The following KAZALD1 variants were observed in gnomAD, a reference collection of about 807,000 sequenced individuals.
KAZALD1 encodes kazal-type serine protease inhibitor domain-containing protein 1.
KAZALD1 carries 31 observed loss-of-function variants against 27.7 expected under a neutral mutation model. The ratio of observed to expected loss-of-function variants is 1.12; its 90% CI spans 0.84 to 1.51. The LOEUF (loss-of-function observed/expected upper bound fraction) is 1.51. KAZALD1 is among the 40% of genes most tolerant of loss of function. The pLI, the probability that KAZALD1 is intolerant of heterozygous loss-of-function variation, is 0.00. For synonymous variants in KAZALD1, 179 were observed against 182.0 expected (o/e 0.98, Z 0.13); for missense variants, 444 against 408.9 (o/e 1.09, Z -0.74).
Position 101,064,895 on chromosome 10 carries a change from G to A in KAZALD1, c.890G>A (p.Ser297Asn), listed in dbSNP as rs1554841253. 1 of 1,614,036 alleles carries A rather than the reference G, an allele frequency of 6.2e-7. No homozygotes were observed. The highest frequency in any genetic ancestry group is 2.2e-5 in the East Asian group (1 of 44,888). ...LNLVPEEEAE[S>N]EENDDYY ...CTGGTTCCTGAGGAGGAGGCTGAGAGTGAAGAGAATGACGATTACTACTAG... is the reference window on the plus strand; with the variant it reads ...CTGGTTCCTGAGGAGGAGGCTGAGAATGAAGAGAATGACGATTACTACTAG... Residue 297 changes from serine to asparagine, a missense_variant, in exon 5 of 5, where the codon AGT (serine) becomes AAT (asparagine). By Grantham distance (46) the Ser-to-Asn change is conservative. Transcript: ENST00000370200.
chr10:101,067,796 C>A, downstream of KAZALD1: 1 of 392,544 alleles, frequency 2.5e-6, no homozygotes, highest in Non-Finnish European at 5.3e-6. Flanking sequence ...TGGAGAGCGC[C>A]CCTCAAAAAG....
intron 2 of KAZALD1, among the ~76,000 whole-genome samples, chr10:101,063,882 T>C (rs1939239519): frequency 6.6e-6 from 1 of 152,174 alleles, no homozygotes; most frequent in Admixed American, 6.5e-5. Context: ...GGAAGGGGGA[T>C]CTGGAAGGTT....
chr10:101,067,228 C>T (rs766221775), downstream of KAZALD1: 20 of 456,028 alleles, frequency 4.4e-5, no homozygotes, highest in South Asian at 3.1e-4. Context: ...TCCAAGCCAT[C>T]CCCGCGTTTT....
At chr10:101,063,794 C>T (rs552559207) in intron 2 of KAZALD1, among the ~76,000 whole-genome samples, 1 of 152,226 alleles carries the variant, frequency 6.6e-6, no homozygotes, top group African/African-American at 2.4e-5. Flanking sequence ...TCTGCCTTGC[C>T]GCAGGACTCC....
chr10:101,063,494 C>T (rs546993564), intron 2 of KAZALD1, among the ~76,000 whole-genome samples: 1 of 152,214 alleles, frequency 6.6e-6, no homozygotes, highest in African/African-American at 2.4e-5. Flanking sequence ...GATGCAATCA[C>T]GTTTCATTCT....
intron 2 of KAZALD1, 158 bp from the exon 3 acceptor site, chr10:101,064,103 C>T: frequency 1.4e-6 from 1 of 706,918 alleles, no homozygotes; most frequent in Non-Finnish European, 2.4e-6. Context: ...CTGTGTGTAC[C>T]TGTGTGTGTC....
chr10:101,065,019 G>A lies in KAZALD1; in HGVS notation c.*99G>A. The A allele has an allele frequency of 2.5e-6, 2 of 796,922 alleles. No individual in the cohort carries two copies. Among genetic ancestry groups the A allele is most frequent in the South Asian group, 1.5e-5 (1 of 65,938 alleles). 49.4% of individuals were successfully genotyped at this position (796,922 alleles called of 1,614,324 possible). A position where few individuals can be genotyped will look rare whatever the true frequency, so the allele number is the denominator to read the frequency against. On this transcript the variant is annotated 3_prime_UTR_variant, in exon 5 of 5. Transcript: ENST00000370200. The stretch of plus-strand genomic sequence containing the variant: ...GGGGAGCAGGGTCCCTTCATCGACT[G>A]CTTTCATGCTGTCAGTAGGGATGAT...
chr10:101,064,971 C>T lies in KAZALD1; in HGVS notation c.*51C>T, dbSNP rs1590101120. Reference sequence around the variant, plus strand: ...GGGTGAGCGGCTATAGTGTTCATCCCTGCTCTTGAAAAGACCTGGAAAGGG... The same window carrying T: ...GGGTGAGCGGCTATAGTGTTCATCCTTGCTCTTGAAAAGACCTGGAAAGGG... On this transcript the variant is annotated 3_prime_UTR_variant, in exon 5 of 5. Coordinates refer to ENST00000370200, the MANE Select transcript of KAZALD1 (RefSeq NM_030929.5). 1.5e-6 allele frequency: 2 copies of T among 1,351,310 alleles called. No individual in the cohort carries two copies. Among genetic ancestry groups the T allele is most frequent in the East Asian group, 4.6e-5 (2 of 43,452 alleles). The allele number at this position is 1,351,310 out of a possible 1,614,324, so 83.7% of individuals were successfully genotyped here.
At chr10:101,063,575 G>T (rs1939229567) in intron 2 of KAZALD1, among the ~76,000 whole-genome samples, 1 of 152,240 alleles carries the variant, frequency 6.6e-6, no homozygotes, top group Non-Finnish European at 1.5e-5. Flanking sequence ...GTGAAGGGGA[G>T]CGGGAAGTTC....
Position 101,064,248 on chromosome 10 carries a change from C to T in KAZALD1, c.512-13C>T. On this transcript the variant is annotated splice_polypyrimidine_tract_variant and intron_variant, in intron 2 of 4. Transcript: ENST00000370200. ...GGCCATGCTATTCTCAGACCTCCCG[C>T]CTTCACCCCCAGGGCCCCAGATCGT... 6.2e-7 allele frequency: 1 copy of T among 1,613,968 alleles called. No individual in the cohort carries two copies. The highest frequency in any genetic ancestry group is 1.1e-5 in the South Asian group (1 of 91,076).
In KAZALD1 at chr10:101,065,200, C is replaced by G. The variant is rs967187081; in HGVS notation, c.*280C>G. On this transcript the variant is annotated 3_prime_UTR_variant, in exon 5 of 5. Coordinates refer to ENST00000370200, the MANE Select transcript of KAZALD1 (RefSeq NM_030929.5). ...CAGTAGGACCTCCAACAGGTTGTTT[C>G]CCAGGCTGGGGTGGGGGCCTGAGCA... 11 of 409,914 alleles carry G rather than the reference C, an allele frequency of 2.7e-5. No homozygotes were observed. The highest frequency in any genetic ancestry group is 4.0e-5 in the African/African-American group (2 of 49,766). 25.4% of individuals were successfully genotyped at this position (409,914 alleles called of 1,614,324 possible).
chr10:101,063,056 G>T lies in KAZALD1; in HGVS notation c.464G>T (p.Arg155Leu). The change falls in exon 2 of 5, where the codon CGG (arginine) becomes CTG (leucine). Residue 155 changes from arginine to leucine, a missense_variant. Physicochemically the swap from Arg to Leu is moderately radical, Grantham distance 102. Transcript: ENST00000370200. ...CGCCTGCAGGAGGCGGCCCGCGCTC[G>T]GCCCGATGCCAACCTCACTGTGGCA... ...ICRLQEAARA[R>L]PDANLTVAHP... 1 of 1,582,146 alleles carries T rather than the reference G, an allele frequency of 6.3e-7. No homozygotes were observed. Among genetic ancestry groups the T allele is most frequent in the Non-Finnish European group, 8.6e-7 (1 of 1,168,014 alleles).
In KAZALD1 at chr10:101,062,759, GC is replaced by G; in HGVS notation, c.169del (p.Arg57GlyfsTer60). Reference protein sequence around the residue: ...LLAEGEGCAPCRPEECAAPRG... With the variant: ...LLAEGEGCAPXRPEECAAPRG... ...GCGGAGGGCGAGGGCTGCGCTCCCT[GC>G]CGGCCAGAAGAGTGCGCCGCGCCGC... On this transcript the variant is annotated frameshift_variant, in exon 2 of 5. Transcript: ENST00000370200. LOFTEE classifies it high-confidence loss of function. The G allele has an allele frequency of 6.5e-7, 1 of 1,549,886 alleles. No individual in the cohort carries two copies. Among genetic ancestry groups the G allele is most frequent in the Non-Finnish European group, 8.6e-7 (1 of 1,157,590 alleles).
Position 101,062,563 on chromosome 10 carries a change from C to G in KAZALD1, c.-30C>G. The stretch of plus-strand genomic sequence containing the variant: ...GCAGGGTGCCCGAACGCGCTGATGC[C>G]CCGAGTGCTCGCAGGGCTTCCCGCT... On this transcript the variant is annotated 5_prime_UTR_variant, in exon 2 of 5. Transcript: ENST00000370200. 7.0e-6 allele frequency: 11 copies of G among 1,575,476 alleles called. No homozygotes were observed. The highest frequency in any genetic ancestry group is 9.4e-6 in the Non-Finnish European group (11 of 1,170,350).
rs1939217112 is a variant in KAZALD1 at position 101,063,218 on chromosome 10, G to A, written c.511+115G>A. On this transcript the variant is annotated intron_variant, in intron 2 of 4. Coordinates refer to ENST00000370200, the MANE Select transcript of KAZALD1 (RefSeq NM_030929.5). Reference sequence around the variant, plus strand: ...AGAGCAAAAAAGATAAGGCTATAGAGGCCTCGAGTCCAGTATAAAACCCTG... The same window carrying A: ...AGAGCAAAAAAGATAAGGCTATAGAAGCCTCGAGTCCAGTATAAAACCCTG... The A allele has an allele frequency of 3.3e-6, 3 of 908,218 alleles. No individual in the cohort carries two copies. The East Asian group carries it at 8.5e-5, about 26-fold the overall frequency. The allele number at this position is 908,218 out of a possible 1,614,324, so 56.3% of individuals were successfully genotyped here.
Position 101,062,726 on chromosome 10 carries a change from G to A in KAZALD1, c.134G>A (p.Arg45Gln). The A allele has an allele frequency of 6.5e-7, 1 of 1,536,810 alleles. No individual in the cohort carries two copies. The highest frequency in any genetic ancestry group is 8.7e-7 in the Non-Finnish European group (1 of 1,150,288). Reference protein sequence around the residue: ...GPDYLRRGWMRLLAEGEGCAP... With the variant: ...GPDYLRRGWMQLLAEGEGCAP... Reference sequence around the variant, plus strand: ...GATTACCTGCGGCGCGGCTGGATGCGGCTGCTAGCGGAGGGCGAGGGCTGC... The same window carrying A: ...GATTACCTGCGGCGCGGCTGGATGCAGCTGCTAGCGGAGGGCGAGGGCTGC... Residue 45 changes from arginine (R) to glutamine (Q), a missense_variant, in exon 2 of 5, where the codon CGG becomes CAG. Arg to Gln is a conservative substitution (Grantham distance 43). Transcript: ENST00000370200.
At chr10:101,063,314 G>A (rs1939221757) in intron 2 of KAZALD1, among the ~76,000 whole-genome samples, 1 of 152,092 alleles carries the variant, frequency 6.6e-6, no homozygotes, top group Non-Finnish European at 1.5e-5. Context: ...TGGGAGTCCC[G>A]GGCTTCGTCA....
chr10:101,062,985 G>C lies in KAZALD1; in HGVS notation c.393G>C (p.Gln131His). 6.2e-7 allele frequency: 1 copy of C among 1,601,374 alleles called. No homozygotes were observed. Among genetic ancestry groups the C allele is most frequent in the Non-Finnish European group, 8.5e-7 (1 of 1,179,386 alleles). The change falls in exon 2 of 5, where the codon CAG becomes CAC. Residue 131 changes from glutamine (Q) to histidine (H), a missense_variant. Coordinates refer to ENST00000370200, the MANE Select transcript of KAZALD1 (RefSeq NM_030929.5). ...VPEPLCACRSQSPLCGSDGHT... is the reference protein window; with the variant it reads ...VPEPLCACRSHSPLCGSDGHT... The stretch of plus-strand genomic sequence containing the variant: ...AACCTCTGTGTGCCTGTCGTTCGCA[G>C]AGTCCGCTCTGCGGGTCCGACGGTC...
rs1939262111 is a variant in KAZALD1 at position 101,064,505 on chromosome 10, G to C, written c.677G>C (p.Arg226Thr). The C allele has an allele frequency of 6.2e-7, 1 of 1,614,184 alleles. No homozygotes were observed. Among genetic ancestry groups the C allele is most frequent in the Non-Finnish European group, 8.5e-7 (1 of 1,180,032 alleles). Reference sequence around the variant, plus strand: ...TGATTCCTTGCCTGGCTCCAGTTTAGGGGTGGACCCCAGAGGTTTGAGGTG... The same window carrying C: ...TGATTCCTTGCCTGGCTCCAGTTTACGGGTGGACCCCAGAGGTTTGAGGTG... ...GDDPHISVQF[R>T]GGPQRFEVTG... Residue 226 changes from arginine to threonine, a missense_variant, in exon 4 of 5, where the codon AGG (arginine) becomes ACG (threonine). Coordinates refer to ENST00000370200, the MANE Select transcript of KAZALD1 (RefSeq NM_030929.5).
Sources: allele counts gnomAD v4.1 joint callset (sites outside exome capture counted in the v4.1 genomes callset), GRCh38; gene constraint gnomAD v4.1.1; transcripts MANE v1.5; gene names NCBI Gene and HGNC (gene_info 2026-07-23, HGNC 2026-07-21).